Variants in APLP2 observed in about 807,000 individuals in gnomAD.
The protein encoded by APLP2 is amyloid beta precursor like protein 2.
In APLP2, 53 loss-of-function variants were observed where a neutral mutation model predicts 89.9. The ratio of observed to expected loss-of-function variants is 0.59; its 90% CI spans 0.47 to 0.74. APLP2 has a LOEUF of 0.74. Among genes scored for constraint, APLP2 ranks in the 30% least tolerant of loss-of-function variants. APLP2 has a pLI of 0.00. For missense variants in APLP2, 973 were observed against 975.9 expected (o/e 1.00, Z 0.04); for synonymous variants, 372 against 348.6 (o/e 1.07, Z -0.75).
intron 1 of APLP2, among the ~76,000 whole-genome samples, chr11:130,096,007 C>T (rs1354425874): frequency 1.3e-5 from 2 of 152,176 alleles, no homozygotes; most frequent in African/African-American, 2.4e-5. Context: ...TGAGCAAGGT[C>T]GTTTCAGATT....
rs541470303 is a variant in APLP2 at position 130,130,311 on chromosome 11, A to T, written c.1584+145A>T. 43 of 1,115,288 alleles carry T rather than the reference A, an allele frequency of 3.9e-5. No homozygotes were observed. The South Asian group carries it at 6.2e-4, about 16-fold the overall frequency. 69.1% of individuals were successfully genotyped at this position (1,115,288 alleles called of 1,614,324 possible). A position where few individuals can be genotyped will look rare whatever the true frequency, so the allele number is the denominator to read the frequency against. The stretch of plus-strand genomic sequence containing the variant: ...GTTTTGATTTCCGAAGACATTCGGT[A>T]CGTGAACTGGTTTTTGCAAGGTCAC... On this transcript the variant is annotated intron_variant, in intron 11 of 16. Transcript: ENST00000338167.
chr11:130,121,840 G>A (rs771665731), intron 5 of APLP2, 30 bp downstream of exon 5: 32 of 1,596,218 alleles, frequency 2.0e-5, no homozygotes, highest in Middle Eastern at 2.0e-4. Flanking sequence ...CTGTGAAGTC[G>A]TTTTGCCTTT....
chr11:130,098,130 GGCGC>G (rs1946452066), intron 1 of APLP2, among the ~76,000 whole-genome samples: 1 of 152,194 alleles, frequency 6.6e-6, no homozygotes, highest in South Asian at 2.1e-4. Flanking sequence ...TATTTGGCCG[GGCGC>G]GGTGGCTCAC....
chr11:130,075,614 A>G (rs10894174), intron 1 of APLP2, among the ~76,000 whole-genome samples: 21,706 of 152,188 alleles, frequency 0.14, 2,838 homozygotes, highest in African/African-American at 0.35. Context: ...ATGTGCAAGG[A>G]GAGAAAAACA....
chr11:130,090,672 C>G (rs1944834548), intron 1 of APLP2, among the ~76,000 whole-genome samples: 1 of 152,166 alleles, frequency 6.6e-6, no homozygotes, highest in Non-Finnish European at 1.5e-5. Flanking sequence ...TCTTTCTACA[C>G]AGACACGGCA....
chr11:130,074,318 C>T (rs775787581), intron 1 of APLP2, among the ~76,000 whole-genome samples: 15 of 152,054 alleles, frequency 9.9e-5, no homozygotes, highest in South Asian at 2.1e-4. Context: ...CAGGTTCAAG[C>T]GACTCTCCTG....
intron 2 of APLP2, among the ~76,000 whole-genome samples, chr11:130,110,325 T>C (rs1040948264): frequency 2.0e-5 from 3 of 152,236 alleles, no homozygotes; most frequent in African/African-American, 7.2e-5. Flanking sequence ...GAAAACAGAA[T>C]GCGTGGAAGT....
At chr11:130,109,835 T>TG (rs1389601481) in intron 2 of APLP2, 1 of 427,282 alleles carries the variant, frequency 2.3e-6, no homozygotes, top group African/African-American at 2.1e-5. Context: ...TGCAGAAGCC[T>TG]GGCAAGTGCC....
intron 1 of APLP2, among the ~76,000 whole-genome samples, chr11:130,104,858 C>T (rs1288847199): frequency 6.6e-6 from 1 of 152,164 alleles, no homozygotes; most frequent in African/African-American, 2.4e-5. Flanking sequence ...TAGATATTGG[C>T]AACATTTTAA....
rs184752565 is a variant in APLP2, at chr11:130,141,196, G to A, written c.1924-302G>A. On this transcript the variant is annotated intron_variant, in intron 14 of 16. Coordinates refer to ENST00000338167, the MANE Select transcript of APLP2 (RefSeq NM_001142276.2). This position sits in a 1 kb window ranked among gnomAD's most constrained non-coding sequence, Gnocchi z 4.2. Reference sequence around the variant, plus strand: ...GCTGGGATTACAGGCGTGAGCCACCGCGCCTGGTGTAAACGGGGCTTTTTG... The same window carrying A: ...GCTGGGATTACAGGCGTGAGCCACCACGCCTGGTGTAAACGGGGCTTTTTG... The A allele has an allele frequency of 2.6e-3, 750 of 290,834 alleles. 8 individuals carry two copies. The highest frequency in any genetic ancestry group is 0.015 in the African/African-American group (676 of 45,402). 18.0% of individuals were successfully genotyped at this position (290,834 alleles called of 1,614,324 possible).
chr11:130,109,323 A>G, intron 1 of APLP2, 106 bp from the exon 2 acceptor site: 2 of 982,518 alleles, frequency 2.0e-6, no homozygotes, highest in Admixed American at 3.3e-5. Context: ...CAAATAGTAA[A>G]TAATTAAGGT....
rs1028464507 is a variant in APLP2, at chr11:130,140,593, A to G, written c.1923+110A>G. 1.3e-5 allele frequency: 11 copies of G among 853,488 alleles called. No individual in the cohort carries two copies. In the African/African-American group the frequency reaches 1.4e-4, roughly 11 times the overall value. 52.9% of individuals were successfully genotyped at this position (853,488 alleles called of 1,614,324 possible). ...GCACGTCTCTGTGTTCGTTTTCCGC[A>G]CAGTAGAAGGTTGGAGGGCTCCAAC... On this transcript the variant is annotated intron_variant, in intron 14 of 16. Coordinates refer to ENST00000338167, the MANE Select transcript of APLP2 (RefSeq NM_001142276.2).
chr11:130,138,315 C>A (rs1431408805), intron 13 of APLP2, among the ~76,000 whole-genome samples: 3 of 152,280 alleles, frequency 2.0e-5, no homozygotes, highest in African/African-American at 4.8e-5. Flanking sequence ...AAAATGACTT[C>A]GTGTAGATGC....
At chr11:130,101,855 C>G in intron 1 of APLP2, 2 of 441,622 alleles carry the variant, frequency 4.5e-6, no homozygotes, top group Admixed American at 2.6e-5. Context: ...AGTTTTTCCA[C>G]TAATGTCCTT....
chr11:130,104,278 C>T (rs542823635), intron 1 of APLP2, among the ~76,000 whole-genome samples: 7 of 129,734 alleles, frequency 5.4e-5, no homozygotes, highest in African/African-American at 2.1e-4. Context: ...AGTGCAGTGG[C>T]GCAATCTCGG....
chr11:130,084,570 A>T (rs1263659426), intron 1 of APLP2, among the ~76,000 whole-genome samples: 1 of 152,200 alleles, frequency 6.6e-6, no homozygotes, highest in Non-Finnish European at 1.5e-5. Context: ...CACCCTTGGT[A>T]AACAGCAGTC....
chr11:130,103,690 C>G (rs187733047), intron 1 of APLP2, among the ~76,000 whole-genome samples: 107 of 152,274 alleles, frequency 7.0e-4, no homozygotes, highest in Non-Finnish European at 1.3e-3. Flanking sequence ...ATGAAATTGA[C>G]CATTCCACGC....
intron 1 of APLP2, among the ~76,000 whole-genome samples, chr11:130,091,279 C>G (rs1166411736): frequency 1.4e-5 from 2 of 139,962 alleles, no homozygotes; most frequent in Admixed American, 6.8e-5. Context: ...CTGACCCCCC[C>G]ACCTCCCTCC....
intron 3 of APLP2, among the ~76,000 whole-genome samples, chr11:130,111,486 T>G (rs1289635006): frequency 1.3e-5 from 2 of 152,232 alleles, no homozygotes; most frequent in African/African-American, 4.8e-5. Context: ...ATTGGAACTA[T>G]TAACTTATTC....
Sources: gnomAD v4.1 joint callset for allele counts (sites outside exome capture counted in the v4.1 genomes callset) on GRCh38, gnomAD v4.1.1 for gene constraint, Gnocchi (gnomAD v3.1) non-coding constraint, MANE v1.5 for transcripts, NCBI Gene and HGNC (gene_info 2026-07-23, HGNC 2026-07-21) for gene names.